Variants in TMEM117 observed in about 807,000 individuals in gnomAD.
The protein encoded by TMEM117 is transmembrane protein 117.
A neutral mutation model predicts 52.4 loss-of-function variants in TMEM117; 27 were observed. The ratio of observed to expected loss-of-function variants is 0.51; its 90% CI spans 0.38 to 0.71. The LOEUF (loss-of-function observed/expected upper bound fraction) is 0.71, where lower values mean the gene tolerates loss of function less well. Ranked by LOEUF, TMEM117 falls within the 30% of genes least tolerant of loss-of-function variation. TMEM117 has a pLI of 0.00. For synonymous variants in TMEM117, 215 were observed against 206.3 expected (o/e 1.04, Z -0.36); for missense variants, 556 against 630.5 (o/e 0.88, Z 1.26).
chr12:43,874,004 GT>G (rs142407292), intron 2 of TMEM117, among the ~76,000 whole-genome samples: 5,570 of 151,168 alleles, frequency 0.037, 123 homozygotes, highest in Non-Finnish European at 0.042. Context: ...AAAAATCCAT[GT>G]TTTTTTTCAT....
chr12:44,325,149 A>G (rs1159837100), intron 6 of TMEM117, among the ~76,000 whole-genome samples: 2 of 152,248 alleles, frequency 1.3e-5, no homozygotes, highest in Non-Finnish European at 1.5e-5. Flanking sequence ...CATGATCTCT[A>G]GTTCAATGAT....
chr12:43,923,122 A>G (rs937618377), intron 2 of TMEM117, among the ~76,000 whole-genome samples: 3 of 152,170 alleles, frequency 2.0e-5, no homozygotes, highest in African/African-American at 7.2e-5. Context: ...TTATTCTTTC[A>G]AAATGGTCTA....
At chr12:43,943,952 T>C (rs918784014) in intron 2 of TMEM117, among the ~76,000 whole-genome samples, 1 of 152,268 alleles carries the variant, frequency 6.6e-6, no homozygotes, top group African/African-American at 2.4e-5. Flanking sequence ...ATGAACTATC[T>C]CTGAACACTA....
intron 2 of TMEM117, among the ~76,000 whole-genome samples, chr12:43,896,247 C>T (rs1033315230): frequency 1.3e-5 from 2 of 152,210 alleles, no homozygotes; most frequent in African/African-American, 4.8e-5. Flanking sequence ...GGGAAATATT[C>T]CTTACCCTCA....
chr12:44,198,152 G>T (rs1949445638), intron 4 of TMEM117, among the ~76,000 whole-genome samples: 1 of 152,144 alleles, frequency 6.6e-6, no homozygotes, highest in Non-Finnish European at 1.5e-5. Context: ...CTTTATCTCA[G>T]TTGGAAGTGA....
chr12:44,117,462 A>G (rs1412405317), intron 3 of TMEM117, among the ~76,000 whole-genome samples: 1 of 152,064 alleles, frequency 6.6e-6, no homozygotes, highest in Non-Finnish European at 1.5e-5. Flanking sequence ...CAGTTGCATC[A>G]TGATTGGTCT....
intron 3 of TMEM117, among the ~76,000 whole-genome samples, chr12:44,094,367 A>T (rs1412998654): frequency 1.3e-5 from 2 of 152,074 alleles, no homozygotes; most frequent in Non-Finnish European, 2.9e-5. Context: ...AGTGGAATGA[A>T]TTGGAGGTTA....
rs73276252 is a variant in TMEM117 at position 44,314,938 on chromosome 12, G to A, written c.768+15199G>A. On this transcript the variant is annotated intron_variant, in intron 6 of 7. Coordinates refer to ENST00000266534, the MANE Select transcript of TMEM117 (RefSeq NM_032256.3). The stretch of plus-strand genomic sequence containing the variant: ...TTGACTAATTCAATTTTGTAACTGG[G>A]TATTGGTATGTTCAATGTTTCAATT... Among the ~76,000 whole-genome samples, 447 of 152,154 alleles carry A rather than the reference G, an allele frequency of 2.9e-3. 4 individuals carry two copies. The highest frequency in any genetic ancestry group is 0.01 in the African/African-American group (431 of 41,512).
At chr12:44,123,152 T>C (rs1343870635) in intron 3 of TMEM117, among the ~76,000 whole-genome samples, 2 of 152,222 alleles carry the variant, frequency 1.3e-5, no homozygotes, top group Non-Finnish European at 2.9e-5. Flanking sequence ...TGCATTTCTC[T>C]AATAATCGTT....
At chr12:44,066,928 A>G (rs1344848168) in intron 3 of TMEM117, among the ~76,000 whole-genome samples, 1 of 152,214 alleles carries the variant, frequency 6.6e-6, no homozygotes, top group Non-Finnish European at 1.5e-5. Flanking sequence ...ACTTCTTTCA[A>G]AACTGGAGTC....
intron 3 of TMEM117, among the ~76,000 whole-genome samples, chr12:44,004,319 C>T (rs992565994): frequency 6.6e-6 from 1 of 152,142 alleles, no homozygotes; most frequent in African/African-American, 2.4e-5. Flanking sequence ...GGAGCAATAA[C>T]TGCTGGGTCC....
At position 44,385,549 on chromosome 12, in the gene TMEM117, A is replaced by G. The variant is rs78456386; in HGVS notation, c.899-2477A>G. ...TAGGAGTTCAAGGCTGCAGTGAGCT[A>G]TAATTGCACCACTGTGCTCCAGCCT... On this transcript the variant is annotated intron_variant, in intron 7 of 7. Transcript: ENST00000266534. 3.0e-4 allele frequency among the ~76,000 whole-genome samples: 46 copies of G among 152,248 alleles called. No homozygotes were observed. In the East Asian group the frequency reaches 8.5e-3, roughly 28 times the overall value.
At chr12:44,204,141 C>T (rs1949533270) in intron 4 of TMEM117, among the ~76,000 whole-genome samples, 1 of 152,178 alleles carries the variant, frequency 6.6e-6, no homozygotes, top group Non-Finnish European at 1.5e-5. Flanking sequence ...GCCAAATTCT[C>T]TCTCTTCTCA....
chr12:44,115,538 G>A (rs1948126245), intron 3 of TMEM117, among the ~76,000 whole-genome samples: 1 of 148,592 alleles, frequency 6.7e-6, no homozygotes, highest in South Asian at 2.1e-4. Context: ...AAATAGTATG[G>A]GATTTTTTTT....
At chr12:44,011,006 A>T (rs1181929505) in intron 3 of TMEM117, among the ~76,000 whole-genome samples, 1 of 152,152 alleles carries the variant, frequency 6.6e-6, no homozygotes, top group East Asian at 1.9e-4. Flanking sequence ...GGAAGTTTTG[A>T]CCTATATCAT....
chr12:44,145,518 G>C (rs1948630599), intron 4 of TMEM117, among the ~76,000 whole-genome samples: 1 of 152,200 alleles, frequency 6.6e-6, no homozygotes, highest in East Asian at 1.9e-4. Flanking sequence ...GTGTGGCCCT[G>C]TGATGTGACT....
rs576065683 is a variant in TMEM117, at chr12:44,145,474, T to A, written c.510+1850T>A. On this transcript the variant is annotated intron_variant, in intron 4 of 7. Coordinates refer to ENST00000266534, the MANE Select transcript of TMEM117 (RefSeq NM_032256.3). The stretch of plus-strand genomic sequence containing the variant: ...TTTATCAAATAGGATTAATAGTTCC[T>A]TCCTGTGTTACATATTTTCTGTAAA... Among the ~76,000 whole-genome samples, 4 of 152,374 alleles carry A rather than the reference T, an allele frequency of 2.6e-5. No homozygotes were observed. In the South Asian group the frequency reaches 8.3e-4, roughly 32 times the overall value.
intron 3 of TMEM117, among the ~76,000 whole-genome samples, chr12:44,072,127 T>C (rs1368355211): frequency 6.6e-6 from 1 of 152,168 alleles, no homozygotes; most frequent in Non-Finnish European, 1.5e-5. Flanking sequence ...GGAGACTTTT[T>C]CCCATTTATT....
chr12:44,100,168 A>C (rs968890104), intron 3 of TMEM117, among the ~76,000 whole-genome samples: 2 of 152,032 alleles, frequency 1.3e-5, no homozygotes, highest in African/African-American at 4.8e-5. Context: ...TACTGAAAAT[A>C]ATGCTGAAGC....
Sources: allele counts gnomAD v4.1 joint callset (sites outside exome capture counted in the v4.1 genomes callset), GRCh38; gene constraint gnomAD v4.1.1; transcripts MANE v1.5; gene names NCBI Gene and HGNC (gene_info 2026-07-23, HGNC 2026-07-21).